The following HAUS6 variants were observed in gnomAD, a reference collection of about 807,000 sequenced individuals.
HAUS6 encodes HAUS augmin-like complex subunit 6.
In HAUS6, 80 loss-of-function variants were observed where a neutral mutation model predicts 106.8. The observed-to-expected ratio is 0.75, with a 90% confidence interval of 0.63 to 0.90. HAUS6 has a LOEUF of 0.90. Among genes scored for constraint, HAUS6 ranks in the 40% least tolerant of loss-of-function variants. The pLI is 0.00. For missense variants in HAUS6, 1,155 were observed against 1,118.1 expected (o/e 1.03, Z -0.47); for synonymous variants, 356 against 379.1 (o/e 0.94, Z 0.71).
intron 8 of HAUS6, among the ~76,000 whole-genome samples, chr9:19,080,906 C>G (rs1460180573): frequency 6.6e-6 from 1 of 152,058 alleles, no homozygotes; most frequent in African/African-American, 2.4e-5. Flanking sequence ...AACCCTGTCT[C>G]TACTAAAAAT....
At position 19,063,521 on chromosome 9, in the gene HAUS6, A is replaced by C; in HGVS notation, c.1436T>G (p.Leu479Arg). ...ACTTATTTTAAAATATACCTTTTCA[A>C]GTACTGTAACACTGTTTCTATCTGA... is the stretch of plus-strand genomic sequence containing the variant. ...SSSDRNSVTV[L>R]EKDTKMGTPK... Residue 479 changes from leucine (L) to arginine (R), a missense_variant, in exon 13 of 17, where the codon CTT becomes CGT. Leu to Arg is a moderately radical substitution (Grantham distance 102). Coordinates refer to ENST00000380502, the MANE Select transcript of HAUS6 (RefSeq NM_017645.5). The C allele has an allele frequency of 6.5e-7, 1 of 1,544,716 alleles. No individual in the cohort carries two copies. Among genetic ancestry groups the C allele is most frequent in the Non-Finnish European group, 8.9e-7 (1 of 1,117,666 alleles).
rs866694498 is a variant in HAUS6 at position 19,085,387 on chromosome 9, G to T, written c.699+1347C>A. Among the ~76,000 whole-genome samples the T allele has an allele frequency of 6.6e-5, 10 of 152,204 alleles. 1 individual carries two copies. The Middle Eastern group carries it at 0.01, about 155-fold the overall frequency. On this transcript the variant is annotated intron_variant, in intron 7 of 16. Coordinates refer to ENST00000380502, the MANE Select transcript of HAUS6 (RefSeq NM_017645.5). ...AGATTCATTAAATGGAAAATTCCAT[G>T]AAGGAAGTGACTTTGCCTTGCCTGT...
At chr9:19,068,907 T>C (rs538825396) in intron 12 of HAUS6, among the ~76,000 whole-genome samples, 2 of 152,258 alleles carry the variant, frequency 1.3e-5, no homozygotes, top group East Asian at 3.9e-4. Context: ...AAAATAGGAA[T>C]ATTACTGGAG....
intron 11 of HAUS6, among the ~76,000 whole-genome samples, chr9:19,075,959 G>A (rs1477233017): frequency 2.0e-5 from 3 of 146,610 alleles, no homozygotes; most frequent in South Asian, 2.2e-4. Context: ...ACTCCATCTC[G>A]GAAAAAAAAA....
intron 6 of HAUS6, 33 bp downstream of exon 6, chr9:19,087,058 C>A: frequency 2.0e-6 from 2 of 1,018,916 alleles, no homozygotes; most frequent in Non-Finnish European, 3.1e-6. Flanking sequence ...AAACTAGTAT[C>A]TAAGGCAACT....
intron 4 of HAUS6, among the ~76,000 whole-genome samples, chr9:19,092,618 G>GA (rs754952207): frequency 0.013 from 686 of 54,768 alleles, no homozygotes; most frequent in East Asian, 0.023. Flanking sequence ...CTCCGTCTCG[G>GA]AAAAAAAAAA....
intron 4 of HAUS6, among the ~76,000 whole-genome samples, chr9:19,092,719 T>A (rs1271681275): frequency 4.1e-5 from 6 of 146,176 alleles, no homozygotes; most frequent in Admixed American, 2.8e-4. Context: ...AGGTCAGGAG[T>A]TCAAGACCAG....
Position 19,089,749 on chromosome 9 carries a change from G to A in HAUS6, c.437-190C>T, listed in dbSNP as rs146398237. The A allele has an allele frequency of 9.0e-3, 4,739 of 526,756 alleles. 41 individuals carry two copies. Among genetic ancestry groups the A allele is most frequent in the Middle Eastern group, 0.026 (52 of 2,020 alleles). The allele number at this position is 526,756 out of a possible 1,614,324, so 32.6% of individuals were successfully genotyped here. A position where few individuals can be genotyped will look rare whatever the true frequency, so the allele number is the denominator to read the frequency against. Reference sequence around the variant, plus strand: ...CAAAAATGTTGAATTTCAATATTAAGAAATTAAATTAACATCACGTAACTA... The same window carrying A: ...CAAAAATGTTGAATTTCAATATTAAAAAATTAAATTAACATCACGTAACTA... On this transcript the variant is annotated intron_variant, in intron 4 of 16. Transcript: ENST00000380502.
intron 12 of HAUS6, among the ~76,000 whole-genome samples, chr9:19,067,543 G>A (rs1305449203): frequency 6.6e-6 from 1 of 152,134 alleles, no homozygotes; most frequent in Non-Finnish European, 1.5e-5. Context: ...GAGCTTAGAA[G>A]AAGACAGATG....
chr9:19,070,929 G>A (rs574986267), intron 11 of HAUS6, among the ~76,000 whole-genome samples: 23 of 152,178 alleles, frequency 1.5e-4, no homozygotes, highest in Non-Finnish European at 3.2e-4. Flanking sequence ...CTGAGAGAAC[G>A]AGGTACAAGT....
intron 3 of HAUS6, 101 bp from the exon 4 acceptor site, chr9:19,093,404 A>G: frequency 9.6e-7 from 1 of 1,036,988 alleles, no homozygotes. Flanking sequence ...GTCTTGCAAT[A>G]GAAGTCCCAC....
At chr9:19,056,702 G>T (rs1383548627) in intron 16 of HAUS6, 1 of 250,856 alleles carries the variant, frequency 4.0e-6, no homozygotes. Flanking sequence ...CCAGGCCCAA[G>T]CAATCCTCCC....
chr9:19,093,606 T>C (rs1292949011), intron 3 of HAUS6, among the ~76,000 whole-genome samples: 1 of 152,192 alleles, frequency 6.6e-6, no homozygotes, highest in Non-Finnish European at 1.5e-5. Context: ...TGGTGGCTCA[T>C]ACCTGTAATC....
chr9:19,087,718 G>T (rs779607549), intron 5 of HAUS6, among the ~76,000 whole-genome samples: 7 of 151,818 alleles, frequency 4.6e-5, no homozygotes, highest in Non-Finnish European at 2.9e-5. Flanking sequence ...AGCTGGGTGT[G>T]GTAGAACACG....
chr9:19,067,458 C>A (rs2131110616), intron 12 of HAUS6, among the ~76,000 whole-genome samples: 1 of 152,256 alleles, frequency 6.6e-6, no homozygotes, highest in Middle Eastern at 3.4e-3. Context: ...TCCCTCACCA[C>A]CAGGCCTTCC....
At chr9:19,099,549 C>A (rs981484432) in intron 1 of HAUS6, among the ~76,000 whole-genome samples, 3 of 152,114 alleles carry the variant, frequency 2.0e-5, no homozygotes, top group African/African-American at 7.2e-5. Flanking sequence ...ACTGTAGCCT[C>A]AAACTCCTGG....
chr9:19,057,989 A>G lies in HAUS6; in HGVS notation c.2778T>C (p.Cys926=), dbSNP rs779251730. Residue 926 remains cysteine, a synonymous_variant, in exon 16 of 17, where the codon TGT becomes TGC. Coordinates refer to ENST00000380502, the MANE Select transcript of HAUS6 (RefSeq NM_017645.5). The stretch of plus-strand genomic sequence containing the variant: ...TTAAATTAGGTAGTTCTCCAAGACT[A>G]CATGCTATTGTGGTTCTCAATCTTT... ...VEQRLRTTIA[C]SLGELPNLKE... is the part of the protein sequence containing the mutation. The G allele has an allele frequency of 2.2e-5, 35 of 1,608,340 alleles. No individual in the cohort carries two copies. The highest frequency in any genetic ancestry group is 2.0e-4 in the East Asian group (9 of 44,864).
chr9:19,056,062 G>A lies in HAUS6; in HGVS notation c.*281C>T, dbSNP rs1205784742. The A allele has an allele frequency of 8.5e-5, 30 of 351,342 alleles. 1 individual carries two copies. The Admixed American group carries it at 1.1e-3, about 13-fold the overall frequency. 21.8% of individuals were successfully genotyped at this position (351,342 alleles called of 1,614,324 possible). A position where few individuals can be genotyped will look rare whatever the true frequency, so the allele number is the denominator to read the frequency against. On this transcript the variant is annotated 3_prime_UTR_variant, in exon 17 of 17. Coordinates refer to ENST00000380502, the MANE Select transcript of HAUS6 (RefSeq NM_017645.5). ...ACTACTACTTTGTCATTCACTTAAT[G>A]CTTACAAGATTACTCAAGAAATCAA...
rs17237720 is a variant in HAUS6 at position 19,059,896 on chromosome 9, T to A, written c.1765+192A>T. On this transcript the variant is annotated intron_variant, in intron 15 of 16. Coordinates refer to ENST00000380502, the MANE Select transcript of HAUS6 (RefSeq NM_017645.5). ...ATTATCAAAATTTTATATCTCTGTA[T>A]ATTGAGTACACTGAAGGCACAAAAT... 5.7e-3 allele frequency: 2,572 copies of A among 454,792 alleles called. 15 individuals are homozygous for A. Among genetic ancestry groups the A allele is most frequent in the Middle Eastern group, 9.9e-3 (18 of 1,826 alleles). The allele number at this position is 454,792 out of a possible 1,614,324, so 28.2% of individuals were successfully genotyped here.
Sources: gnomAD v4.1 joint callset for allele counts (sites outside exome capture counted in the v4.1 genomes callset) on GRCh38, gnomAD v4.1.1 for gene constraint, MANE v1.5 for transcripts, NCBI Gene and HGNC (gene_info 2026-07-23, HGNC 2026-07-21) for gene names.